SMCO3: variants seen among roughly 807,000 people sequenced by gnomAD.
SMCO3 encodes the protein single-pass membrane and coiled-coil domain-containing protein 3.
Under a neutral mutation model 12.0 loss-of-function variants are expected in SMCO3, and 6 were observed. The observed-to-expected ratio is 0.50, with a 90% CI of 0.27 to 0.99. The LOEUF (loss-of-function observed/expected upper bound fraction) is 0.99. Ranked by LOEUF, SMCO3 falls within the 50% of genes least tolerant of loss-of-function variation. The probability of loss-of-function intolerance (pLI) is 0.11; values close to 1 mark genes in which losing one functional copy is unlikely to be tolerated. For synonymous variants in SMCO3, 96 were observed against 96.4 expected (o/e 1.00, Z 0.02); for missense variants, 279 against 265.0 (o/e 1.05, Z -0.37).
chr12:14,808,078 A>G (rs1278635898), intron 1 of SMCO3, among the ~76,000 whole-genome samples: 3 of 152,162 alleles, frequency 2.0e-5, no homozygotes, highest in Non-Finnish European at 4.4e-5. Context: ...AGGCAGGAGA[A>G]TCACTTGAAC....
At chr12:14,812,847 T>C (rs10846062) in intron 1 of SMCO3, among the ~76,000 whole-genome samples, 89,067 of 151,810 alleles carry the variant, frequency 0.59, 26,559 homozygotes, top group Admixed American at 0.64. Flanking sequence ...TGAATGATCC[T>C]GTCACCCAGA....
At chr12:14,809,324 C>A (rs1335960907) in intron 1 of SMCO3, among the ~76,000 whole-genome samples, 1 of 152,004 alleles carries the variant, frequency 6.6e-6, no homozygotes, top group Non-Finnish European at 1.5e-5. Context: ...ACGAATTAAT[C>A]GTAAAATGTA....
Position 14,806,621 on chromosome 12 carries a change from A to G in SMCO3, c.60T>C (p.Arg20=). ...AGCAATCAAGAAGCTGCTGGTGAAGACGATTTACTTCTTCCCGCCTTTTTG... is the reference window on the plus strand; with the variant it reads ...AGCAATCAAGAAGCTGCTGGTGAAGGCGATTTACTTCTTCCCGCCTTTTTG... ...ENPKRREEVN[R]LHQQLLDCLS... Residue 20 remains arginine (R), a synonymous_variant, in exon 2 of 2, where the codon CGT becomes CGC. Transcript: ENST00000316048. 1.2e-6 allele frequency: 2 copies of G among 1,613,528 alleles called. No homozygotes were observed. Among genetic ancestry groups the G allele is most frequent in the Middle Eastern group, 1.7e-4 (1 of 6,060 alleles).
chr12:14,806,132 C>T lies in SMCO3; in HGVS notation c.549G>A (p.Val183=). 1.2e-6 allele frequency: 2 copies of T among 1,614,026 alleles called. No homozygotes were observed. The highest frequency in any genetic ancestry group is 2.2e-5 in the East Asian group (1 of 44,878). Residue 183 remains valine, a synonymous_variant, in exon 2 of 2, where the codon GTG becomes GTA. Transcript: ENST00000316048. ...TGGCTGCTTGAAGCTGTGTTTTTTC[C>T]ACTGCTCCCAGGATGGCACGGACAA... ...DMIVRAILGA[V]EKTQLQAAIK...
rs751342043 is a variant in SMCO3, at chr12:14,806,636, C to G, written c.45G>C (p.Arg15=). 5 of 1,611,214 alleles carry G rather than the reference C, an allele frequency of 3.1e-6. No individual in the cohort carries two copies. Among genetic ancestry groups the G allele is most frequent in the Non-Finnish European group, 1.7e-6 (2 of 1,179,108 alleles). Residue 15 remains arginine, a synonymous_variant, in exon 2 of 2, where the codon CGG becomes CGC. Coordinates refer to ENST00000316048, the MANE Select transcript of SMCO3 (RefSeq NM_001013698.2). ...DFLYPENPKR[R]EEVNRLHQQL... ...GCTGGTGAAGACGATTTACTTCTTC[C>G]CGCCTTTTTGGGTTCTCTGGGTAAA...
chr12:14,809,610 C>T (rs1296224331), intron 1 of SMCO3, among the ~76,000 whole-genome samples: 3 of 151,748 alleles, frequency 2.0e-5, no homozygotes, highest in East Asian at 3.9e-4. Context: ...AAATTAATAA[C>T]AAAATTGTTA....
At chr12:14,812,641 G>A (rs989486116) in intron 1 of SMCO3, among the ~76,000 whole-genome samples, 6 of 151,792 alleles carry the variant, frequency 4.0e-5, no homozygotes, top group African/African-American at 1.5e-4. Flanking sequence ...ATAAGTAATG[G>A]GAATTAAATT....
In SMCO3 at chr12:14,806,575, T is replaced by G; in HGVS notation, c.106A>C (p.Thr36Pro). The G allele has an allele frequency of 6.2e-7, 1 of 1,614,138 alleles. No homozygotes were observed. Among genetic ancestry groups the G allele is most frequent in the Non-Finnish European group, 8.5e-7 (1 of 1,180,026 alleles). The part of the protein sequence containing the change: ...LDCLSDSFDV[T>P]NKLTEVLNMH... ...TTTAGAACCTCAGTCAGCTTATTGG[T>G]GACATCGAAGCTGTCAGATAAGCAA... is the stretch of plus-strand genomic sequence containing the variant. Residue 36 changes from threonine (T) to proline (P), a missense_variant, in exon 2 of 2, where the codon ACC (threonine) becomes CCC (proline). Physicochemically the swap from Thr to Pro is conservative, Grantham distance 38. Coordinates refer to ENST00000316048, the MANE Select transcript of SMCO3 (RefSeq NM_001013698.2).
intron 1 of SMCO3, among the ~76,000 whole-genome samples, chr12:14,809,798 A>G (rs1950108367): frequency 6.6e-6 from 1 of 152,212 alleles, no homozygotes; most frequent in Non-Finnish European, 1.5e-5. Flanking sequence ...AGAATGCAAA[A>G]AAAGTATTGT....
intron 1 of SMCO3, among the ~76,000 whole-genome samples, chr12:14,810,324 G>C (rs1447733026): frequency 6.6e-6 from 1 of 152,158 alleles, no homozygotes; most frequent in Non-Finnish European, 1.5e-5. Context: ...GAAGAGGAGA[G>C]GTGGGGATTG....
At chr12:14,811,001 A>G (rs953198388) in intron 1 of SMCO3, among the ~76,000 whole-genome samples, 6 of 152,184 alleles carry the variant, frequency 3.9e-5, no homozygotes, top group African/African-American at 1.4e-4. Flanking sequence ...TACTTTCTCC[A>G]TCTTATTCCA....
At chr12:14,811,135 T>C (rs1434165719) in intron 1 of SMCO3, among the ~76,000 whole-genome samples, 2 of 152,236 alleles carry the variant, frequency 1.3e-5, no homozygotes, top group Non-Finnish European at 2.9e-5. Flanking sequence ...ATTTGAATTG[T>C]CACATGATGG....
chr12:14,809,477 T>G (rs1950103936), intron 1 of SMCO3, among the ~76,000 whole-genome samples: 1 of 152,110 alleles, frequency 6.6e-6, no homozygotes, highest in Non-Finnish European at 1.5e-5. Flanking sequence ...TGGAACAAAT[T>G]AGTCCCCAAA....
At chr12:14,809,081 A>G (rs1950098157) in intron 1 of SMCO3, among the ~76,000 whole-genome samples, 1 of 152,198 alleles carries the variant, frequency 6.6e-6, no homozygotes, top group Non-Finnish European at 1.5e-5. Flanking sequence ...AATTAGCTAT[A>G]TTCCTTTTCA....
chr12:14,807,017 A>G (rs1178110632), intron 1 of SMCO3, among the ~76,000 whole-genome samples: 8 of 152,182 alleles, frequency 5.3e-5, no homozygotes, highest in Non-Finnish European at 1.2e-4. Context: ...ATTTTAGTAG[A>G]GACAGGGTTT....
rs1407011429 is a variant in SMCO3 at position 14,804,804 on chromosome 12, A to T, written c.*1199T>A. On this transcript the variant is annotated 3_prime_UTR_variant, in exon 2 of 2. Transcript: ENST00000316048. The stretch of plus-strand genomic sequence containing the variant: ...AAATATTAAAGTCTTTCATGTAGCT[A>T]AAATTTTATATGTAGCTACTATTTT... The T allele has an allele frequency of 1.3e-5, 2 of 152,242 alleles. No individual in the cohort carries two copies. The allele number at this position is 152,242 out of a possible 1,614,324, so 9.4% of individuals were successfully genotyped here.
intron 1 of SMCO3, among the ~76,000 whole-genome samples, chr12:14,809,085 C>A (rs1291036934): frequency 6.6e-6 from 1 of 152,120 alleles, no homozygotes; most frequent in East Asian, 1.9e-4. Flanking sequence ...AGCTATATTC[C>A]TTTTCAGACA....
At position 14,806,266 on chromosome 12, in the gene SMCO3, T is replaced by G. The variant is rs756930398; in HGVS notation, c.415A>C (p.Asn139His). 11 of 1,614,232 alleles carry G rather than the reference T, an allele frequency of 6.8e-6. 1 individual carries two copies. The South Asian group carries it at 9.9e-5, about 15-fold the overall frequency. Residue 139 changes from asparagine to histidine, a missense_variant, in exon 2 of 2, where the codon AAT becomes CAT. Asn to His is a moderately conservative substitution (Grantham distance 68, BLOSUM62 1). Coordinates refer to ENST00000316048, the MANE Select transcript of SMCO3 (RefSeq NM_001013698.2). ...TTGTTAATTATGCCAGTTGTGACAT[T>G]TGAGCCCACAAGTTTAACAGCGACT... Reference protein sequence around the residue: ...SAVAVKLVGSNVTTGIINKLV... With the variant: ...SAVAVKLVGSHVTTGIINKLV...
In SMCO3 at chr12:14,806,433, A is replaced by G. The variant is rs552576725; in HGVS notation, c.248T>C (p.Val83Ala). Residue 83 changes from valine to alanine, a missense_variant, in exon 2 of 2, where the codon GTT (valine) becomes GCT (alanine). Transcript: ENST00000316048. ...IMKIQKELQK[V>A]DEALKDKLEP... ...TAGCTTATCTTTTAGTGCTTCATCAACCTTCTGCAATTCCTTTTGGATTTT... is the reference window on the plus strand; with the variant it reads ...TAGCTTATCTTTTAGTGCTTCATCAGCCTTCTGCAATTCCTTTTGGATTTT... The G allele has an allele frequency of 9.3e-6, 15 of 1,614,138 alleles. No individual in the cohort carries two copies. The highest frequency in any genetic ancestry group is 1.6e-4 in the Middle Eastern group (1 of 6,062).
Sources: gnomAD v4.1 joint callset for allele counts (sites outside exome capture counted in the v4.1 genomes callset) on GRCh38, gnomAD v4.1.1 for gene constraint, MANE v1.5 for transcripts, NCBI Gene and HGNC (gene_info 2026-07-23, HGNC 2026-07-21) for gene names.